ITPR2: variants seen among roughly 807,000 people sequenced by gnomAD.
The protein encoded by ITPR2 is inositol 1,4,5-trisphosphate-gated calcium channel ITPR2.
ITPR2 carries 207 observed loss-of-function variants against 317.1 expected under a neutral mutation model. The ratio of observed to expected loss-of-function variants is 0.65; its 90% CI spans 0.58 to 0.73. The LOEUF is 0.73. ITPR2 is among the 30% of genes least tolerant of loss of function. ITPR2 has a pLI of 0.00. For missense variants in ITPR2, 2,613 were observed against 3,284.0 expected, an observed-to-expected ratio of 0.80 and a Z score of 4.99; for synonymous variants, 1,156 against 1,149.1, an observed-to-expected ratio of 1.01 and a Z score of -0.12.
In ITPR2 at chr12:26,711,298, A is replaced by G. The variant is rs571601814; in HGVS notation, c.856-30T>C. 82 of 1,467,252 alleles carry G rather than the reference A, an allele frequency of 5.6e-5. 1 individual carries two copies. The South Asian group carries it at 8.9e-4, about 16-fold the overall frequency. The allele number at this position is 1,467,252 out of a possible 1,614,324, so 90.9% of individuals were successfully genotyped here. ...AAAGAGAGCAACGATAGTAATGGCA[A>G]AACAATATTTATGTTCCTGGCAAGC... On this transcript the variant is annotated intron_variant, in intron 8 of 56. Transcript: ENST00000381340.
chr12:26,471,544 G>A (rs1052430368), intron 45 of ITPR2, among the ~76,000 whole-genome samples: 1 of 152,124 alleles, frequency 6.6e-6, no homozygotes, highest in Non-Finnish European at 1.5e-5. Context: ...GTTTTATGTA[G>A]ATCAGACAAG....
intron 35 of ITPR2, among the ~76,000 whole-genome samples, chr12:26,561,298 C>A (rs1334372791): frequency 6.6e-6 from 1 of 152,166 alleles, no homozygotes; most frequent in African/African-American, 2.4e-5. Context: ...GTTTAAGCCA[C>A]CAAGTCTGTG....
Position 26,656,563 on chromosome 12 carries a change from A to T in ITPR2, c.2193-15T>A. On this transcript the variant is annotated splice_polypyrimidine_tract_variant and intron_variant, in intron 18 of 56. Transcript: ENST00000381340. ...TTAGCTGGTACCTTAAAAATGGTAA[A>T]CATATTACATTATTGTCTTATCTCA... 2 of 1,613,286 alleles carry T rather than the reference A, an allele frequency of 1.2e-6. No individual in the cohort carries two copies. The highest frequency in any genetic ancestry group is 1.7e-6 in the Non-Finnish European group (2 of 1,179,410).
intron 55 of ITPR2, among the ~76,000 whole-genome samples, chr12:26,348,318 A>T (rs1358744897): frequency 6.6e-6 from 1 of 152,122 alleles, no homozygotes; most frequent in African/African-American, 2.4e-5. Flanking sequence ...ACAAGAATTA[A>T]TCATTTGGTT....
At chr12:26,591,025 A>T (rs1386705129) in intron 32 of ITPR2, among the ~76,000 whole-genome samples, 4 of 139,810 alleles carry the variant, frequency 2.9e-5, no homozygotes, top group African/African-American at 1.1e-4. Context: ...TGTTGCAGTG[A>T]CCTGAGATAG....
chr12:26,769,808 T>C (rs1949807512), intron 2 of ITPR2, among the ~76,000 whole-genome samples: 1 of 152,132 alleles, frequency 6.6e-6, no homozygotes, highest in Non-Finnish European at 1.5e-5. Flanking sequence ...GGGAGTGGCT[T>C]ACTTAAAAAC....
chr12:26,772,012 C>T (rs1949852579), intron 2 of ITPR2, among the ~76,000 whole-genome samples: 1 of 152,002 alleles, frequency 6.6e-6, no homozygotes. Flanking sequence ...AGCAGTGGTA[C>T]TCTTGTCACA....
intron 34 of ITPR2, among the ~76,000 whole-genome samples, chr12:26,570,496 A>G (rs1945131283): frequency 6.6e-6 from 1 of 152,236 alleles, no homozygotes; most frequent in South Asian, 2.1e-4. Context: ...TTTATTTAAT[A>G]GAGACTGAAT....
chr12:26,810,332 AG>A (rs1451132375), intron 1 of ITPR2, among the ~76,000 whole-genome samples: 2 of 152,214 alleles, frequency 1.3e-5, no homozygotes, highest in Non-Finnish European at 2.9e-5. Flanking sequence ...GTGTTAAATC[AG>A]TGAAATGACA....
intron 1 of ITPR2, 75 bp downstream of exon 1, chr12:26,832,615 G>A (rs1416794531): frequency 9.6e-6 from 11 of 1,148,470 alleles, no homozygotes; most frequent in Non-Finnish European, 1.2e-5. Flanking sequence ...GGAGGACCGG[G>A]CGGCGGAGGA....
At chr12:26,365,710 G>C (rs1191424020) in intron 55 of ITPR2, among the ~76,000 whole-genome samples, 1 of 152,110 alleles carries the variant, frequency 6.6e-6, no homozygotes, top group East Asian at 1.9e-4. Context: ...ATCACTTAAG[G>C]AGTTTAAATA....
intron 2 of ITPR2, among the ~76,000 whole-genome samples, chr12:26,742,270 T>TA (rs1949244034): frequency 6.6e-6 from 1 of 152,082 alleles, no homozygotes; most frequent in African/African-American, 2.4e-5. Context: ...AATGGAATTG[T>TA]AAAAAGTAAC....
intron 41 of ITPR2, 33 bp from the exon 42 acceptor site, chr12:26,483,931 A>G (rs759867370): frequency 4.4e-5 from 68 of 1,551,890 alleles, no homozygotes; most frequent in Non-Finnish European, 5.8e-5. Context: ...TTGAAGGGTT[A>G]CAAAAATTCA....
chr12:26,377,028 C>T (rs1247887250), intron 55 of ITPR2, among the ~76,000 whole-genome samples: 2 of 152,120 alleles, frequency 1.3e-5, no homozygotes, highest in African/African-American at 4.8e-5. Context: ...CATGCCCGGC[C>T]CAGGATAAAG....
chr12:26,705,923 G>T (rs1405177234), intron 9 of ITPR2, among the ~76,000 whole-genome samples: 3 of 152,170 alleles, frequency 2.0e-5, no homozygotes, highest in Non-Finnish European at 4.4e-5. Flanking sequence ...AATTTTCTTT[G>T]TTAAAGATTG....
chr12:26,801,861 A>T (rs1211229085), intron 1 of ITPR2, among the ~76,000 whole-genome samples: 1 of 152,090 alleles, frequency 6.6e-6, no homozygotes, highest in Admixed American at 6.5e-5. Flanking sequence ...TGCTGTAAGG[A>T]TTTAACAAAA....
At chr12:26,512,110 G>A (rs1056356681) in intron 37 of ITPR2, among the ~76,000 whole-genome samples, 22 of 151,446 alleles carry the variant, frequency 1.5e-4, no homozygotes, top group Non-Finnish European at 2.8e-4. Context: ...CTAAGCCAAC[G>A]GGAAAATCAA....
chr12:26,805,801 G>A (rs1279920018), intron 1 of ITPR2, among the ~76,000 whole-genome samples: 1 of 151,528 alleles, frequency 6.6e-6, no homozygotes, highest in Non-Finnish European at 1.5e-5. Flanking sequence ...GAGCCAGGAA[G>A]GAGGTAAGTG....
chr12:26,494,644 A>C (rs1942891040), intron 38 of ITPR2, among the ~76,000 whole-genome samples: 1 of 151,528 alleles, frequency 6.6e-6, no homozygotes. Context: ...GTGGCACATG[A>C]CTGTAATCAC....
Sources: allele counts gnomAD v4.1 joint callset (sites outside exome capture counted in the v4.1 genomes callset), GRCh38; gene constraint gnomAD v4.1.1; transcripts MANE v1.5; gene names NCBI Gene and HGNC (gene_info 2026-07-23, HGNC 2026-07-21).